The following NCAM2 variants were observed in gnomAD, a reference collection of about 807,000 sequenced individuals.
The protein encoded by NCAM2 is N-CAM-2.
NCAM2 carries 30 observed loss-of-function variants against 98.1 expected under a neutral mutation model. The ratio of observed to expected loss-of-function variants is 0.31; its 90% CI spans 0.23 to 0.41. The LOEUF (loss-of-function observed/expected upper bound fraction) is 0.41, where lower values mean the gene tolerates loss of function less well. Among genes scored for constraint, NCAM2 ranks in the 10% least tolerant of loss-of-function variants. The pLI is 1.00. For synonymous variants in NCAM2, 368 were observed against 342.4 expected (o/e 1.07, Z -0.83); for missense variants, 867 against 1,005.8 (o/e 0.86, Z 1.87).
At chr21:21,441,589 A>G (rs1979281670) in intron 12 of NCAM2, among the ~76,000 whole-genome samples, 1 of 152,184 alleles carries the variant, frequency 6.6e-6, no homozygotes, top group Non-Finnish European at 1.5e-5. Flanking sequence ...TCGTAGGTTT[A>G]AAAGAGCAAT....
At chr21:21,286,939 A>G (rs1179281873) in intron 4 of NCAM2, among the ~76,000 whole-genome samples, 1 of 151,902 alleles carries the variant, frequency 6.6e-6, no homozygotes. Context: ...GATGTGAATT[A>G]TGTTTATTAT....
chr21:21,107,121 G>A (rs191256648), intron 1 of NCAM2, among the ~76,000 whole-genome samples: 133 of 152,120 alleles, frequency 8.7e-4, no homozygotes, highest in Middle Eastern at 3.4e-3. Context: ...TTCTTAAAAC[G>A]TCTGGTAATA....
intron 9 of NCAM2, among the ~76,000 whole-genome samples, chr21:21,391,402 A>G (rs1170102286): frequency 1.3e-5 from 2 of 152,206 alleles, no homozygotes; most frequent in Admixed American, 1.3e-4. Context: ...TGTCATAGAT[A>G]GTATACAAAT....
At chr21:21,455,771 A>G (rs969831306) in intron 12 of NCAM2, among the ~76,000 whole-genome samples, 4 of 152,004 alleles carry the variant, frequency 2.6e-5, no homozygotes, top group Non-Finnish European at 4.4e-5. Flanking sequence ...AATTTGTGTT[A>G]AGCAACAACA....
intron 15 of NCAM2, among the ~76,000 whole-genome samples, chr21:21,486,531 G>T (rs1459808313): frequency 6.6e-6 from 1 of 151,980 alleles, no homozygotes; most frequent in South Asian, 2.1e-4. Flanking sequence ...TTTGTAGAAG[G>T]CGTTGATAAA....
chr21:21,024,848 C>G (rs944421913), intron 1 of NCAM2, among the ~76,000 whole-genome samples: 5 of 151,218 alleles, frequency 3.3e-5, no homozygotes, highest in African/African-American at 9.7e-5. Context: ...GATCACACCA[C>G]TTCACTCCAG....
intron 1 of NCAM2, chr21:21,226,730 T>C (rs2070398905): frequency 6.6e-6 from 1 of 152,086 alleles, no homozygotes; most frequent in Non-Finnish European, 1.5e-5. Flanking sequence ...GTATTAGTAA[T>C]GAAGAGTAAT....
chr21:21,249,040 T>C (rs2071388041), intron 1 of NCAM2, among the ~76,000 whole-genome samples: 1 of 152,120 alleles, frequency 6.6e-6, no homozygotes, highest in African/African-American at 2.4e-5. Context: ...ATGCATTTTT[T>C]ATCCCTGATC....
chr21:21,026,556 C>T (rs9974288), intron 1 of NCAM2, among the ~76,000 whole-genome samples: 4 of 151,032 alleles, frequency 2.6e-5, no homozygotes, highest in Non-Finnish European at 5.9e-5. Flanking sequence ...ACTCAGGAGG[C>T]GGAGGTTGCA....
At chr21:21,276,723 T>C (rs755157188) in intron 1 of NCAM2, among the ~76,000 whole-genome samples, 1 of 152,048 alleles carries the variant, frequency 6.6e-6, no homozygotes, top group Non-Finnish European at 1.5e-5. Context: ...AATATATATG[T>C]ATAGTTCAAT....
chr21:21,359,077 G>T (rs2075573538), intron 8 of NCAM2, among the ~76,000 whole-genome samples: 1 of 151,866 alleles, frequency 6.6e-6, no homozygotes, highest in South Asian at 2.1e-4. Flanking sequence ...CCAGTTCCTG[G>T]CACCTGTAGA....
chr21:21,542,961 T>G lies in NCAM2; in HGVS notation c.*5004T>G, dbSNP rs1478300207. 1 of 151,642 alleles carries G rather than the reference T, an allele frequency of 6.6e-6. No individual in the cohort carries two copies. The highest frequency in any genetic ancestry group is 6.6e-5 in the Admixed American group (1 of 15,156). 9.4% of individuals were successfully genotyped at this position (151,642 alleles called of 1,614,324 possible). A position where few individuals can be genotyped will look rare whatever the true frequency, so the allele number is the denominator to read the frequency against. ...TTAAAGAAATATTCATGGTTTAGCA[T>G]TTGCCTCTAAACCCTGTTAGAAATA... On this transcript the variant is annotated 3_prime_UTR_variant, in exon 18 of 18. Coordinates refer to ENST00000400546, the MANE Select transcript of NCAM2 (RefSeq NM_004540.5).
chr21:21,450,383 A>G (rs1469065305), intron 12 of NCAM2, among the ~76,000 whole-genome samples: 1 of 150,090 alleles, frequency 6.7e-6, no homozygotes, highest in Non-Finnish European at 1.5e-5. Context: ...TCGCTCTATC[A>G]CCCAGGCTGG....
At chr21:21,530,299 TAAATTA>T (rs1569142104) in intron 16 of NCAM2, among the ~76,000 whole-genome samples, 2 of 102,480 alleles carry the variant, frequency 2.0e-5, no homozygotes, top group African/African-American at 6.8e-5. Context: ...TATATATAAT[TAAATTA>T]AATTATATAT....
intron 1 of NCAM2, among the ~76,000 whole-genome samples, chr21:21,250,938 T>C (rs567544950): frequency 6.6e-6 from 1 of 152,352 alleles, no homozygotes; most frequent in East Asian, 1.9e-4. Flanking sequence ...TATTACATGA[T>C]CATAATTGCT....
chr21:21,169,600 A>C (rs1197912196), intron 1 of NCAM2, among the ~76,000 whole-genome samples: 1 of 152,160 alleles, frequency 6.6e-6, no homozygotes, highest in Non-Finnish European at 1.5e-5. Context: ...ACAATAAGAA[A>C]ATCAATAACT....
intron 1 of NCAM2, among the ~76,000 whole-genome samples, chr21:21,026,044 C>T (rs578151350): frequency 1.4e-4 from 21 of 152,220 alleles, no homozygotes; most frequent in African/African-American, 4.8e-4. Context: ...ATTTAAAAGG[C>T]TCAAGGCGAG....
intron 1 of NCAM2, among the ~76,000 whole-genome samples, chr21:21,139,077 G>C (rs2067116795): frequency 6.6e-6 from 1 of 152,174 alleles, no homozygotes; most frequent in Non-Finnish European, 1.5e-5. Context: ...TTAACATCTT[G>C]ATATGTAGAG....
intron 5 of NCAM2, among the ~76,000 whole-genome samples, chr21:21,315,909 C>T (rs1055866550): frequency 2.6e-5 from 4 of 152,008 alleles, no homozygotes; most frequent in Admixed American, 6.6e-5. Flanking sequence ...CAAGATGTCT[C>T]GAATTAATCC....
Sources: gnomAD v4.1 joint callset for allele counts (sites outside exome capture counted in the v4.1 genomes callset) on GRCh38, gnomAD v4.1.1 for gene constraint, MANE v1.5 for transcripts, NCBI Gene and HGNC (gene_info 2026-07-23, HGNC 2026-07-21) for gene names.